Variants in HIVEP3 observed in about 807,000 individuals in gnomAD.
HIVEP3 encodes HIVEP zinc finger 3.
A neutral mutation model predicts 152.8 loss-of-function variants in HIVEP3; 49 were observed. That is an observed-to-expected ratio of 0.32 (90% CI 0.26 to 0.41). The LOEUF (loss-of-function observed/expected upper bound fraction) is 0.41, where lower values mean the gene tolerates loss of function less well. HIVEP3 is among the 10% of genes least tolerant of loss of function. The probability of loss-of-function intolerance (pLI) is 1.00; values close to 1 mark genes in which losing one functional copy is unlikely to be tolerated. For synonymous variants in HIVEP3, 1,269 were observed against 1,289.0 expected (o/e 0.98, Z 0.33); for missense variants, 2,790 against 3,103.3 (o/e 0.90, Z 2.40).
chr1:41,981,153 A>G (rs1645291426), intron 1 of HIVEP3, among the ~76,000 whole-genome samples: 1 of 152,200 alleles, frequency 6.6e-6, no homozygotes, highest in Non-Finnish European at 1.5e-5. Context: ...TCCCCTTGTG[A>G]GAACAGTGAG....
chr1:41,761,334 A>G (rs765945482), intron 1 of HIVEP3, among the ~76,000 whole-genome samples: 1 of 152,006 alleles, frequency 6.6e-6, no homozygotes, highest in Non-Finnish European at 1.5e-5. Context: ...GTATGCATGT[A>G]TGTACCTGTG....
chr1:41,845,111 T>A (rs1643399642), intron 1 of HIVEP3, among the ~76,000 whole-genome samples: 1 of 152,228 alleles, frequency 6.6e-6, no homozygotes, highest in African/African-American at 2.4e-5. Context: ...TAGCCTCCCC[T>A]GACAACTCAC....
At chr1:41,820,532 C>T (rs1642564081) in intron 1 of HIVEP3, among the ~76,000 whole-genome samples, 1 of 152,198 alleles carries the variant, frequency 6.6e-6, no homozygotes, top group African/African-American at 2.4e-5. Context: ...AAAAAATATC[C>T]TTAATGTTCT....
chr1:42,001,810 T>C (rs563415543), intron 1 of HIVEP3, among the ~76,000 whole-genome samples: 48 of 152,278 alleles, frequency 3.2e-4, no homozygotes, highest in African/African-American at 1.1e-3. Flanking sequence ...AGTCACTGCC[T>C]AAGTCTCCGG....
At chr1:41,795,479 G>A (rs1225351593) in intron 1 of HIVEP3, among the ~76,000 whole-genome samples, 29 of 152,144 alleles carry the variant, frequency 1.9e-4, no homozygotes, top group Admixed American at 1.9e-3. Context: ...TTTATTAACT[G>A]TGAAGTTACT....
intron 1 of HIVEP3, among the ~76,000 whole-genome samples, chr1:41,702,914 A>C (rs1401507761): frequency 6.6e-6 from 1 of 152,224 alleles, no homozygotes; most frequent in African/African-American, 2.4e-5. Context: ...GCCAGGCTGC[A>C]GGACTGCTAG....
At chr1:41,856,359 C>T (rs764053875) in intron 1 of HIVEP3, among the ~76,000 whole-genome samples, 3 of 152,122 alleles carry the variant, frequency 2.0e-5, no homozygotes, top group Admixed American at 6.6e-5. Flanking sequence ...AGATGCCAAG[C>T]GGTGGGCTGG....
At chr1:42,017,797 G>A (rs1032614112) in intron 1 of HIVEP3, among the ~76,000 whole-genome samples, 3 of 151,976 alleles carry the variant, frequency 2.0e-5, no homozygotes, top group South Asian at 2.1e-4. Context: ...GGGGAATTGC[G>A]GGTACAGAGT....
At chr1:41,520,445 C>T (rs1039833961) in intron 6 of HIVEP3, among the ~76,000 whole-genome samples, 9 of 152,172 alleles carry the variant, frequency 5.9e-5, no homozygotes, top group African/African-American at 2.2e-4. Flanking sequence ...CCTCAGAGGT[C>T]CCTATCCAAC....
intron 5 of HIVEP3, among the ~76,000 whole-genome samples, chr1:41,531,402 G>A: frequency 6.7e-6 from 1 of 148,232 alleles, no homozygotes; most frequent in Non-Finnish European, 1.5e-5. Context: ...CAGGGGAGAT[G>A]GAGGACAGGA....
At chr1:41,516,270 G>T (rs1392290962) in intron 7 of HIVEP3, among the ~76,000 whole-genome samples, 1 of 149,574 alleles carries the variant, frequency 6.7e-6, no homozygotes, top group African/African-American at 2.4e-5. Flanking sequence ...GAGGCCACAC[G>T]GTGGCGCTAG....
At chr1:41,600,222 A>G (rs1644725290) in intron 3 of HIVEP3, among the ~76,000 whole-genome samples, 1 of 152,214 alleles carries the variant, frequency 6.6e-6, no homozygotes, top group African/African-American at 2.4e-5. Context: ...CTGGGTATAT[A>G]CTCAAAAGAA....
intron 1 of HIVEP3, among the ~76,000 whole-genome samples, chr1:41,941,043 A>G (rs1327481567): frequency 2.0e-5 from 3 of 152,192 alleles, no homozygotes; most frequent in Admixed American, 6.5e-5. Context: ...GAAAGTATCT[A>G]TTGGATTTGA....
At chr1:41,569,427 G>T (rs992437337) in intron 5 of HIVEP3, among the ~76,000 whole-genome samples, 1 of 152,084 alleles carries the variant, frequency 6.6e-6, no homozygotes, top group African/African-American at 2.4e-5. Context: ...TATCCAAAAG[G>T]CTCCAACTTA....
intron 1 of HIVEP3, among the ~76,000 whole-genome samples, chr1:41,928,225 G>A (rs1194522712): frequency 6.6e-6 from 1 of 152,068 alleles, no homozygotes; most frequent in Non-Finnish European, 1.5e-5. Flanking sequence ...GACTACAGTG[G>A]GTTACAGGAG....
intron 1 of HIVEP3, among the ~76,000 whole-genome samples, chr1:41,932,662 T>C (rs971000100): frequency 6.6e-6 from 1 of 151,908 alleles, no homozygotes; most frequent in African/African-American, 2.4e-5. Context: ...CTTTTTTGTT[T>C]CAAATGTATT....
rs779386504 is a variant in HIVEP3, at chr1:41,949,793, C to T, written n.120-31269G>A. Among the ~76,000 whole-genome samples, 7 of 152,182 alleles carry T rather than the reference C, an allele frequency of 4.6e-5. No individual in the cohort carries two copies. The South Asian group carries it at 1.2e-3, about 27-fold the overall frequency. On this transcript the variant is annotated intron_variant and non_coding_transcript_variant, in intron 1 of 3. Coordinates refer to the HIVEP3 transcript ENST00000489103. ...CATTCTTCAAATGGAGCCCCAGAGG[C>T]AGTCCATAACTAAAATCTACCGTGG...
chr1:41,836,912 G>A (rs1374958502), intron 1 of HIVEP3, among the ~76,000 whole-genome samples: 1 of 152,176 alleles, frequency 6.6e-6, no homozygotes, highest in Non-Finnish European at 1.5e-5. Flanking sequence ...GGCACATCAT[G>A]GTCTTTTTTC....
rs771936410 is a variant in HIVEP3 at position 41,510,791 on chromosome 1, T to C, written c.6881A>G (p.His2294Arg). The change falls in exon 9 of 9, where the codon CAT becomes CGT. Residue 2294 changes from histidine to arginine, a missense_variant. Transcript: ENST00000372583. ...GGGCTCTGCAGGTGCCCCGGTCCCA[T>C]GGGGTGTCCAGTCAGGAGGCCTGCC... ...GPGRPPDWTP[H>R]GTGAPAEPTP... 5 of 1,610,318 alleles carry C rather than the reference T, an allele frequency of 3.1e-6. No homozygotes were observed. In the African/African-American group the frequency reaches 4.0e-5, roughly 13 times the overall value.
Sources: gnomAD v4.1 joint callset for allele counts (sites outside exome capture counted in the v4.1 genomes callset) on GRCh38, gnomAD v4.1.1 for gene constraint, MANE v1.5 for transcripts, NCBI Gene and HGNC (gene_info 2026-07-23, HGNC 2026-07-21) for gene names.